Variants in GAL3ST2 observed in about 807,000 individuals in gnomAD.
The protein encoded by GAL3ST2 is galactose-3-O-sulfotransferase 2, also known as beta-galactose-3-O-sulfotransferase 2.
GAL3ST2 carries 16 observed loss-of-function variants against 12.9 expected under a neutral mutation model. That is an observed-to-expected ratio of 1.24 (90% confidence interval 0.84 to 1.88). The LOEUF (loss-of-function observed/expected upper bound fraction) is 1.88. Among genes scored for constraint, GAL3ST2 ranks in the 40% most tolerant of loss-of-function variants. The pLI is 0.00. For missense variants in GAL3ST2, 639 were observed against 571.8 expected (o/e 1.12, Z -1.20); for synonymous variants, 302 against 273.9 (o/e 1.10, Z -1.01).
rs1255249369 is a variant in GAL3ST2 at position 241,795,004 on chromosome 2, T to C, written c.30-4061T>C. Among the ~76,000 whole-genome samples, 1 of 152,198 alleles carries C rather than the reference T, an allele frequency of 6.6e-6. No individual in the cohort carries two copies. Among genetic ancestry groups the C allele is most frequent in the East Asian group, 1.9e-4 (1 of 5,186 alleles). Reference sequence around the variant, plus strand: ...TTAGAGTGCACAATTCGCTGGTTTCTAGTAAATTCCCAGTAGTGCAGCCAC... The same window carrying C: ...TTAGAGTGCACAATTCGCTGGTTTCCAGTAAATTCCCAGTAGTGCAGCCAC... On this transcript the variant is annotated intron_variant, in intron 1 of 3. Coordinates refer to ENST00000192314, the MANE Select transcript of GAL3ST2 (RefSeq NM_022134.3). This position sits in a 1 kb window ranked among gnomAD's most constrained non-coding sequence, Gnocchi z 4.5.
In GAL3ST2 at chr2:241,793,322, G is replaced by GTGTGTA. The variant is rs374201603; in HGVS notation, c.30-5733_30-5728dup. 7.9e-5 allele frequency among the ~76,000 whole-genome samples: 12 copies of GTGTGTA among 152,140 alleles called. No homozygotes were observed. Among genetic ancestry groups the GTGTGTA allele is most frequent in the African/African-American group, 2.4e-4 (10 of 41,548 alleles). On this transcript the variant is annotated intron_variant, in intron 1 of 3. Coordinates refer to ENST00000192314, the MANE Select transcript of GAL3ST2 (RefSeq NM_022134.3). The surrounding 1 kb of genome is among the most constrained non-coding windows in gnomAD (Gnocchi z 4.7). ...CGCAGGGGGATGTGTGTGTCCGTGT[G>GTGTGTA]TGTGTATGTGTATGTATCTGTATGT...
At chr2:241,788,524 C>T (rs933345133) in intron 1 of GAL3ST2, among the ~76,000 whole-genome samples, 12 of 137,502 alleles carry the variant, frequency 8.7e-5, no homozygotes, top group Admixed American at 2.7e-4. Context: ...TGCATTTGTG[C>T]GAGGAACTGA....
chr2:241,778,222 G>C (rs79914608), intron 1 of GAL3ST2, among the ~76,000 whole-genome samples: 1 of 152,198 alleles, frequency 6.6e-6, no homozygotes, highest in Non-Finnish European at 1.5e-5. Flanking sequence ...GGCTCACCTC[G>C]CTTGTGTCAG....
Position 241,800,004 on chromosome 2 carries a change from C to T in GAL3ST2, c.119+850C>T, listed in dbSNP as rs892111044. 6.6e-6 allele frequency among the ~76,000 whole-genome samples: 1 copy of T among 152,246 alleles called. No individual in the cohort carries two copies. The highest frequency in any genetic ancestry group is 2.4e-5 in the African/African-American group (1 of 41,472). ...TCCTGGTGTGAAGGGACAAGAAGCA[C>T]TGCACGTGTGGCTGAGGTCACAAAG... On this transcript the variant is annotated intron_variant, in intron 2 of 3. Transcript: ENST00000192314. The surrounding 1 kb of genome is among the most constrained non-coding windows in gnomAD (Gnocchi z 5.2).
chr2:241,799,072 C>G lies in GAL3ST2; in HGVS notation c.37C>G (p.Arg13Gly). The G allele has an allele frequency of 6.2e-7, 1 of 1,613,266 alleles. No homozygotes were observed. Residue 13 changes from arginine (R) to glycine (G), a missense_variant, in exon 2 of 4, where the codon CGG becomes GGG. Coordinates refer to ENST00000192314, the MANE Select transcript of GAL3ST2 (RefSeq NM_022134.3). The part of the protein sequence containing the change: ...SMLGGLQRYF[R>G]VILLLLLALT... ...GGCCTGCCCTTTCCACAGATACTTC[C>G]GGGTCATCCTCCTCCTCCTCCTGGC...
At chr2:241,792,660 T>C (rs1699708103) in intron 1 of GAL3ST2, among the ~76,000 whole-genome samples, 1 of 152,062 alleles carries the variant, frequency 6.6e-6, no homozygotes, top group Non-Finnish European at 1.5e-5. Context: ...ATCCTAGCCA[T>C]GAGAGATCAG....
At position 241,800,670 on chromosome 2, in the gene GAL3ST2, C is replaced by T. The variant is rs1032819035; in HGVS notation, c.120-1111C>T. 1.3e-5 allele frequency among the ~76,000 whole-genome samples: 2 copies of T among 152,200 alleles called. No homozygotes were observed. Among genetic ancestry groups the T allele is most frequent in the African/African-American group, 4.8e-5 (2 of 41,434 alleles). On this transcript the variant is annotated intron_variant, in intron 2 of 3. Coordinates refer to ENST00000192314, the MANE Select transcript of GAL3ST2 (RefSeq NM_022134.3). This position sits in a 1 kb window ranked among gnomAD's most constrained non-coding sequence, Gnocchi z 5.2. ...TGCTCAGGGGACAGTTACTGAAATG[C>T]GGCTCTTGTCCGATGGCAGCTGTGG...
intron 1 of GAL3ST2, among the ~76,000 whole-genome samples, chr2:241,791,499 G>A (rs1321068853): frequency 1.3e-5 from 2 of 152,154 alleles, no homozygotes; most frequent in East Asian, 3.8e-4. Context: ...CCTGTACAGG[G>A]TTCCTGACCT....
Position 241,799,120 on chromosome 2 carries a change from G to A in GAL3ST2, c.85G>A (p.Gly29Arg), listed in dbSNP as rs201607018. The part of the protein sequence containing the change: ...LLALTLLLLA[G>R]FLHSDLELDT... The stretch of plus-strand genomic sequence containing the variant: ...GGCCCTGACTCTGCTCCTGCTGGCC[G>A]GATTCCTGCACTCGGACTTAGAGCT... Residue 29 changes from glycine (G) to arginine (R), a missense_variant, in exon 2 of 4, where the codon GGA becomes AGA. Gly to Arg is a moderately radical substitution (Grantham distance 125). Coordinates refer to ENST00000192314, the MANE Select transcript of GAL3ST2 (RefSeq NM_022134.3). The A allele has an allele frequency of 1.2e-5, 19 of 1,613,746 alleles. No homozygotes were observed. The highest frequency in any genetic ancestry group is 4.5e-5 in the East Asian group (2 of 44,876).
In GAL3ST2 at chr2:241,802,482, C is replaced by T. The variant is rs1350074981; in HGVS notation, c.375+446C>T. Among the ~76,000 whole-genome samples, 2 of 152,068 alleles carry T rather than the reference C, an allele frequency of 1.3e-5. No homozygotes were observed. Among genetic ancestry groups the T allele is most frequent in the Non-Finnish European group, 2.9e-5 (2 of 67,978 alleles). On this transcript the variant is annotated intron_variant, in intron 3 of 3. Coordinates refer to ENST00000192314, the MANE Select transcript of GAL3ST2 (RefSeq NM_022134.3). This position sits in a 1 kb window ranked among gnomAD's most constrained non-coding sequence, Gnocchi z 4.8. ...GGAGTGTGGGTGGGAGGGCTGTGGGCAGGCACAGGTGTTTTAGGGTCACCC... is the reference window on the plus strand; with the variant it reads ...GGAGTGTGGGTGGGAGGGCTGTGGGTAGGCACAGGTGTTTTAGGGTCACCC...
chr2:241,793,498 GTA>G lies in GAL3ST2; in HGVS notation c.30-5565_30-5564del, dbSNP rs1373638365. Among the ~76,000 whole-genome samples, 8 of 151,910 alleles carry G rather than the reference GTA, an allele frequency of 5.3e-5. No homozygotes were observed. Among genetic ancestry groups the G allele is most frequent in the East Asian group, 1.9e-4 (1 of 5,188 alleles). On this transcript the variant is annotated intron_variant, in intron 1 of 3. Coordinates refer to ENST00000192314, the MANE Select transcript of GAL3ST2 (RefSeq NM_022134.3). This position sits in a 1 kb window ranked among gnomAD's most constrained non-coding sequence, Gnocchi z 4.7. The stretch of plus-strand genomic sequence containing the variant: ...CATGTGTATTATATGTACATATTGT[GTA>G]TGTGTGTGTATATGTATGTGTGTAT...
Position 241,801,918 on chromosome 2 carries a change from C to A in GAL3ST2, c.257C>A (p.Ala86Asp). Residue 86 changes from alanine to aspartate, a missense_variant, in exon 3 of 4, where the codon GCC (alanine) becomes GAC (aspartate). Ala to Asp is a moderately radical substitution (Grantham distance 126, BLOSUM62 -2). Coordinates refer to ENST00000192314, the MANE Select transcript of GAL3ST2 (RefSeq NM_022134.3). This position sits in a 1 kb window ranked among gnomAD's most constrained non-coding sequence, Gnocchi z 4.4. Reference sequence around the variant, plus strand: ...CACAACCTGTCCGTGGCGCTGCCCGCCGGCTCACGCGTCCACCTGGGCTAC... The same window carrying A: ...CACAACCTGTCCGTGGCGCTGCCCGACGGCTCACGCGTCCACCTGGGCTAC... Reference protein sequence around the residue: ...ETHNLSVALPAGSRVHLGYPW... With the variant: ...ETHNLSVALPDGSRVHLGYPW... 6.2e-7 allele frequency: 1 copy of A among 1,612,996 alleles called. No individual in the cohort carries two copies. Among genetic ancestry groups the A allele is most frequent in the Non-Finnish European group, 8.5e-7 (1 of 1,179,948 alleles).
intron 1 of GAL3ST2, among the ~76,000 whole-genome samples, chr2:241,792,757 G>C (rs1317868587): frequency 6.6e-6 from 1 of 152,160 alleles, no homozygotes; most frequent in East Asian, 1.9e-4. Flanking sequence ...GGGGAAATGT[G>C]AAAGGAAAAG....
In GAL3ST2 at chr2:241,804,083, C is replaced by T. The variant is rs1407992839; in HGVS notation, c.1114C>T (p.Pro372Ser). 4.5e-6 allele frequency: 7 copies of T among 1,539,858 alleles called. No individual in the cohort carries two copies. Among genetic ancestry groups the T allele is most frequent in the Non-Finnish European group, 6.1e-6 (7 of 1,143,614 alleles). The part of the protein sequence containing the change: ...TLGVCQRLVM[P>S]ELQYMARLYA... Reference sequence around the variant, plus strand: ...GGGCGTGTGCCAGAGGCTTGTGATGCCTGAGCTCCAGTACATGGCCCGCCT... The same window carrying T: ...GGGCGTGTGCCAGAGGCTTGTGATGTCTGAGCTCCAGTACATGGCCCGCCT... Residue 372 changes from proline (P) to serine (S), a missense_variant, in exon 4 of 4, where the codon CCT (proline) becomes TCT (serine). Physicochemically the swap from Pro to Ser is moderately conservative, Grantham distance 74. Transcript: ENST00000192314.
intron 1 of GAL3ST2, among the ~76,000 whole-genome samples, chr2:241,796,131 G>T (rs749310846): frequency 4.6e-5 from 7 of 152,200 alleles, no homozygotes; most frequent in Non-Finnish European, 7.3e-5. Context: ...GAAGAAAGGA[G>T]ACAAGATGTC....
In GAL3ST2 at chr2:241,803,829, A is replaced by G. The variant is rs988400564; in HGVS notation, c.860A>G (p.Asn287Ser). The G allele has an allele frequency of 4.7e-6, 7 of 1,487,478 alleles. No homozygotes were observed. Among genetic ancestry groups the G allele is most frequent in the Admixed American group, 5.0e-5 (2 of 40,168 alleles). 92.1% of individuals were successfully genotyped at this position (1,487,478 alleles called of 1,614,324 possible). Residue 287 changes from asparagine (N) to serine (S), a missense_variant, in exon 4 of 4, where the codon AAC becomes AGC. Physicochemically the swap from Asn to Ser is conservative, Grantham distance 46. Transcript: ENST00000192314. Reference protein sequence around the residue: ...ALDWRLYEHFNRTLWAQLRAE... With the variant: ...ALDWRLYEHFSRTLWAQLRAE... ...GACTGGCGCCTGTACGAGCATTTCAACCGCACCCTCTGGGCGCAGCTGCGC... is the reference window on the plus strand; with the variant it reads ...GACTGGCGCCTGTACGAGCATTTCAGCCGCACCCTCTGGGCGCAGCTGCGC...
rs1699891129 is a variant in GAL3ST2 at position 241,803,744 on chromosome 2, C to T, written c.775C>T (p.Arg259Cys). 2 of 1,525,750 alleles carry T rather than the reference C, an allele frequency of 1.3e-6. No individual in the cohort carries two copies. Among genetic ancestry groups the T allele is most frequent in the Admixed American group, 4.1e-5 (2 of 48,374 alleles). 94.5% of individuals were successfully genotyped at this position (1,525,750 alleles called of 1,614,324 possible). ...CTTCAGGCTCAACTCCCGCAGCGCG[C>T]GCTCCGTGGCCCGCCTGTCGCCCGA... ...VAFRLNSRSARSVARLSPETR... is the reference protein window; with the variant it reads ...VAFRLNSRSACSVARLSPETR... The change falls in exon 4 of 4, where the codon CGC becomes TGC. Residue 259 changes from arginine (R) to cysteine (C), a missense_variant. Physicochemically the swap from Arg to Cys is radical, Grantham distance 180 (BLOSUM62 -3). Coordinates refer to ENST00000192314, the MANE Select transcript of GAL3ST2 (RefSeq NM_022134.3).
intron 1 of GAL3ST2, among the ~76,000 whole-genome samples, chr2:241,792,679 TG>T (rs1699708460): frequency 6.6e-6 from 1 of 152,094 alleles, no homozygotes; most frequent in Non-Finnish European, 1.5e-5. Context: ...AGATGAAACC[TG>T]GGACCAGAGA....
At chr2:241,788,950 C>G (rs1026035542) in intron 1 of GAL3ST2, among the ~76,000 whole-genome samples, 1 of 152,018 alleles carries the variant, frequency 6.6e-6, no homozygotes, top group Non-Finnish European at 1.5e-5. Context: ...AAGTGGGAAA[C>G]AAATAATCCA....
Sources: gnomAD v4.1 joint callset for allele counts (sites outside exome capture counted in the v4.1 genomes callset) on GRCh38, gnomAD v4.1.1 for gene constraint, Gnocchi (gnomAD v3.1) non-coding constraint, MANE v1.5 for transcripts, NCBI Gene and HGNC (gene_info 2026-07-23, HGNC 2026-07-21) for gene names.